Variants in FMNL3 observed in about 807,000 individuals in gnomAD.
FMNL3 encodes formin-like protein 3.
In FMNL3, 57 loss-of-function variants were observed where a neutral mutation model predicts 119.6. That is an observed-to-expected ratio of 0.48 (90% CI 0.39 to 0.59). FMNL3 has a LOEUF of 0.59. Ranked by LOEUF, FMNL3 falls within the 20% of genes least tolerant of loss-of-function variation. The pLI is 0.00. For missense variants in FMNL3, 1,053 were observed against 1,323.5 expected (o/e 0.80, Z 3.17); for synonymous variants, 491 against 507.3 (o/e 0.97, Z 0.43).
At chr12:49,699,786 AAAATG>A (rs1388598520) in intron 1 of FMNL3, among the ~76,000 whole-genome samples, 5 of 152,262 alleles carry the variant, frequency 3.3e-5, no homozygotes, top group African/African-American at 1.2e-4. Context: ...CAAAACACTT[AAAATG>A]AAATGTTCAG....
In FMNL3 at chr12:49,639,134, C is replaced by T. The variant is rs1407797788; in HGVS notation, c.*6681G>A. 2.0e-5 allele frequency: 3 copies of T among 152,064 alleles called. No homozygotes were observed. Among genetic ancestry groups the T allele is most frequent in the Non-Finnish European group, 2.9e-5 (2 of 68,020 alleles). The allele number at this position is 152,064 out of a possible 1,614,324, so 9.4% of individuals were successfully genotyped here. The stretch of plus-strand genomic sequence containing the variant: ...AAATAAGAAATTTGGATTTTTCTCT[C>T]GTAAGTAATGAGGAACCGGGGAATG... On this transcript the variant is annotated 3_prime_UTR_variant, in exon 26 of 26. Coordinates refer to ENST00000335154, the MANE Select transcript of FMNL3 (RefSeq NM_175736.5).
In FMNL3 at chr12:49,644,291, C is replaced by A. The variant is rs1297409230; in HGVS notation, c.*1524G>T. The A allele has an allele frequency of 2.2e-6, 3 of 1,382,844 alleles. No individual in the cohort carries two copies. The highest frequency in any genetic ancestry group is 2.9e-5 in the African/African-American group (2 of 69,890). The allele number at this position is 1,382,844 out of a possible 1,614,324, so 85.7% of individuals were successfully genotyped here. ...ACTTCTTCCTTAGTCTGGTCTGTGT[C>A]CACTTTTTCTAAAGTAACCCCACCC... On this transcript the variant is annotated 3_prime_UTR_variant, in exon 26 of 26. Coordinates refer to ENST00000335154, the MANE Select transcript of FMNL3 (RefSeq NM_175736.5).
At chr12:49,676,647 T>C (rs1284709494) in intron 1 of FMNL3, among the ~76,000 whole-genome samples, 1 of 151,410 alleles carries the variant, frequency 6.6e-6, no homozygotes, top group Non-Finnish European at 1.5e-5. Context: ...AATAAATAAG[T>C]GATTGATCCT....
In FMNL3 at chr12:49,637,648, C is replaced by G. The variant is rs1250444040; in HGVS notation, c.*8167G>C. On this transcript the variant is annotated 3_prime_UTR_variant, in exon 26 of 26. Transcript: ENST00000335154. ...CTGCCCTGCCAGCCTCTCTGCACCC[C>G]CTACTACCGGCTCCTGTCCTCGGCC... 8.9e-6 allele frequency: 14 copies of G among 1,569,018 alleles called. No individual in the cohort carries two copies. Among genetic ancestry groups the G allele is most frequent in the East Asian group, 2.2e-5 (1 of 44,548 alleles).
At chr12:49,691,143 C>G (rs1769761531) in intron 1 of FMNL3, among the ~76,000 whole-genome samples, 1 of 152,234 alleles carries the variant, frequency 6.6e-6, no homozygotes, top group Non-Finnish European at 1.5e-5. Context: ...GCTATTTAAC[C>G]TACCTGGACC....
intron 1 of FMNL3, among the ~76,000 whole-genome samples, chr12:49,682,054 T>TA (rs1223308924): frequency 2.7e-5 from 4 of 150,536 alleles, no homozygotes; most frequent in Non-Finnish European, 5.9e-5. Context: ...ATACGCAAAA[T>TA]ACAAATACAA....
At chr12:49,663,629 A>C (rs1943802337) in intron 4 of FMNL3, among the ~76,000 whole-genome samples, 2 of 152,244 alleles carry the variant, frequency 1.3e-5, no homozygotes, top group Non-Finnish European at 2.9e-5. Context: ...GGAACAAAGG[A>C]CCAGGTCCAG....
In FMNL3 at chr12:49,645,472, G is replaced by A. The variant is rs1465143053; in HGVS notation, c.*343C>T. ...GGAAGGGAAAAAAAAAGAAAGAACAGTTGCTCTCTCCTCTCATCCCTCTGG... is the reference window on the plus strand; with the variant it reads ...GGAAGGGAAAAAAAAAGAAAGAACAATTGCTCTCTCCTCTCATCCCTCTGG... On this transcript the variant is annotated 3_prime_UTR_variant, in exon 26 of 26. Transcript: ENST00000335154. 1 of 245,510 alleles carries A rather than the reference G, an allele frequency of 4.1e-6. No homozygotes were observed. The highest frequency in any genetic ancestry group is 7.8e-6 in the Non-Finnish European group (1 of 128,576). The allele number at this position is 245,510 out of a possible 1,614,324, so 15.2% of individuals were successfully genotyped here. A position where few individuals can be genotyped will look rare whatever the true frequency, so the allele number is the denominator to read the frequency against.
chr12:49,647,706 G>GT lies in FMNL3; in HGVS notation c.2774dup (p.Tyr925Ter). The GT allele has an allele frequency of 6.2e-7, 1 of 1,613,722 alleles. No individual in the cohort carries two copies. The highest frequency in any genetic ancestry group is 8.5e-7 in the Non-Finnish European group (1 of 1,179,608). Reference protein sequence around the residue: ...FPVFVRFIRSYKEAEQENEAR... With the variant: ...FPVFVRFIRS Reference sequence around the variant, plus strand: ...TAAAAAGCTCTCTGCAGCTTACCTTGTAAGAACGAATGAATCGGACAAATA... The same window carrying GT: ...TAAAAAGCTCTCTGCAGCTTACCTTGTTAAGAACGAATGAATCGGACAAATA... Residue 925 changes from tyrosine (Y) to a stop codon, truncating the protein, a stop_gained and frameshift_variant, in exon 23 of 26, where the codon TAC becomes TAAC. Transcript: ENST00000335154. LOFTEE classifies it high-confidence loss of function. This position sits in a 1 kb window ranked among gnomAD's most constrained non-coding sequence, Gnocchi z 4.9.
At position 49,688,678 on chromosome 12, in the gene FMNL3, G is replaced by A. The variant is rs1944528462; in HGVS notation, c.126+18377C>T. 1.6e-5 allele frequency: 6 copies of A among 366,180 alleles called. No individual in the cohort carries two copies. In the Admixed American group the frequency reaches 2.1e-4, roughly 13 times the overall value. 22.7% of individuals were successfully genotyped at this position (366,180 alleles called of 1,614,324 possible). A position where few individuals can be genotyped will look rare whatever the true frequency, so the allele number is the denominator to read the frequency against. ...TAAGAAGTCCATTACAACAGACCAG[G>A]CAAGAGCTGAAGATCAACTACAGTA... On this transcript the variant is annotated intron_variant, in intron 1 of 25. Coordinates refer to ENST00000335154, the MANE Select transcript of FMNL3 (RefSeq NM_175736.5).
At chr12:49,662,193 G>C in intron 4 of FMNL3, 144 bp from the exon 5 acceptor site, 2 of 758,706 alleles carry the variant, frequency 2.6e-6, no homozygotes, top group Non-Finnish European at 4.5e-6. Context: ...ACCCATGACA[G>C]ACCCATCCAC....
chr12:49,648,493 C>T, intron 21 of FMNL3, 140 bp from the exon 22 acceptor site: 1 of 853,902 alleles, frequency 1.2e-6, no homozygotes, highest in Non-Finnish European at 1.7e-6. Context: ...TAAGGAAGTA[C>T]ACACCAAGCT....
chr12:49,704,906 A>G (rs1222487925), intron 1 of FMNL3, among the ~76,000 whole-genome samples: 1 of 152,074 alleles, frequency 6.6e-6, no homozygotes, highest in Non-Finnish European at 1.5e-5. Context: ...AGAGTCCTTG[A>G]TTTTTCTACT....
rs776508790 is a variant in FMNL3 at position 49,656,414 on chromosome 12, T to C, written c.875A>G (p.Asn292Ser). 6 of 1,613,540 alleles carry C rather than the reference T, an allele frequency of 3.7e-6. No individual in the cohort carries two copies. The highest frequency in any genetic ancestry group is 2.2e-5 in the South Asian group (2 of 91,048). Reference protein sequence around the residue: ...GHEIILAAFDNFKEVCKELHR... With the variant: ...GHEIILAAFDSFKEVCKELHR... ...AGCGAAAAGACTGACCTCTTTGAAA[T>C]TGTCAAAGGCAGCAAGGATGATTTC... is the stretch of plus-strand genomic sequence containing the variant. The change falls in exon 9 of 26, where the codon AAT becomes AGT. Residue 292 changes from asparagine (N) to serine (S), a missense_variant. Asn to Ser is a conservative substitution (Grantham distance 46, BLOSUM62 1). This residue lies in a region of FMNL3 where 445 missense variants were observed against 628.4 expected (regional missense o/e 0.71). Transcript: ENST00000335154.
intron 1 of FMNL3, among the ~76,000 whole-genome samples, chr12:49,702,087 T>C (rs1355802969): frequency 6.6e-6 from 1 of 151,870 alleles, no homozygotes; most frequent in Admixed American, 6.6e-5. Flanking sequence ...GAGAATCACT[T>C]GAGCCTAGGA....
Position 49,673,178 on chromosome 12 carries a change from C to T in FMNL3, c.127-4624G>A, listed in dbSNP as rs551836104. Among the ~76,000 whole-genome samples the T allele has an allele frequency of 1.3e-4, 20 of 152,336 alleles. No homozygotes were observed. In the South Asian group the frequency reaches 4.1e-3, roughly 32 times the overall value. On this transcript the variant is annotated intron_variant, in intron 1 of 25. Transcript: ENST00000335154. ...GACAGGGAGTCCTGAGAAACTGAATCTAGAACTGCCCCACAGATTAAATGA... is the reference window on the plus strand; with the variant it reads ...GACAGGGAGTCCTGAGAAACTGAATTTAGAACTGCCCCACAGATTAAATGA...
intron 1 of FMNL3, among the ~76,000 whole-genome samples, chr12:49,700,285 G>A (rs562717683): frequency 1.4e-4 from 21 of 150,360 alleles, no homozygotes; most frequent in Admixed American, 1.3e-3. Context: ...CCAGCTACTC[G>A]GGAAGCTAAG....
chr12:49,642,448 A>G lies in FMNL3; in HGVS notation c.*3367T>C, dbSNP rs1033454966. On this transcript the variant is annotated 3_prime_UTR_variant, in exon 26 of 26. Transcript: ENST00000335154. This position sits in a 1 kb window ranked among gnomAD's most constrained non-coding sequence, Gnocchi z 5.8. ...TGCTTCACCACTGAGGGCCCACCCC[A>G]GTCACGTCACAGCCCTGGGCCAGCT... 24 of 1,581,370 alleles carry G rather than the reference A, an allele frequency of 1.5e-5. No homozygotes were observed. In the Admixed American group the frequency reaches 3.0e-4, roughly 20 times the overall value.
intron 1 of FMNL3, among the ~76,000 whole-genome samples, chr12:49,691,908 G>A (rs769787223): frequency 6.6e-6 from 1 of 151,838 alleles, no homozygotes; most frequent in Non-Finnish European, 1.5e-5. Context: ...GGTCTTGCAC[G>A]TCTGTAGTCC....
Sources: gnomAD v4.1 joint callset for allele counts (sites outside exome capture counted in the v4.1 genomes callset) on GRCh38, gnomAD v4.1.1 for gene constraint, gnomAD v4.1.1 regional missense constraint, Gnocchi (gnomAD v3.1) non-coding constraint, MANE v1.5 for transcripts, NCBI Gene and HGNC (gene_info 2026-07-23, HGNC 2026-07-21) for gene names.